The following KLRF1 variants were observed in gnomAD, a reference collection of about 807,000 sequenced individuals.
KLRF1 encodes the protein killer cell lectin-like receptor subfamily F member 1.
In KLRF1, 27 loss-of-function variants were observed where a neutral mutation model predicts 30.7. The observed-to-expected ratio is 0.88, with a 90% confidence interval of 0.65 to 1.21. The LOEUF (loss-of-function observed/expected upper bound fraction) is 1.21, where lower values mean the gene tolerates loss of function less well. Ranked by LOEUF, KLRF1 falls within the 50% of genes most tolerant of loss-of-function variation. The pLI, the probability that KLRF1 is intolerant of heterozygous loss-of-function variation, is 0.00. For synonymous variants in KLRF1, 92 were observed against 89.3 expected, an observed-to-expected ratio of 1.03 and a Z score of -0.17; for missense variants, 246 against 259.3, an observed-to-expected ratio of 0.95 and a Z score of 0.35.
the KLRF1 span, among the ~76,000 whole-genome samples, chr12:9,819,875 G>A: frequency 2.6e-5 from 4 of 152,172 alleles, no homozygotes; most frequent in Admixed American, 1.3e-4. Flanking sequence ...TACAACCACC[G>A]GGTGTTTTCC....
the KLRF1 span, among the ~76,000 whole-genome samples, chr12:9,811,230 C>T: frequency 0.98 from 144,988 of 147,468 alleles, 71,321 homozygotes; most frequent in Middle Eastern, 1. Flanking sequence ...CAGTGATTTG[C>T]AAGCAGGATT....
chr12:9,811,985 C>G, the KLRF1 span, among the ~76,000 whole-genome samples: 135 of 152,270 alleles, frequency 8.9e-4, no homozygotes, highest in African/African-American at 3.2e-3. Context: ...TGAACTATAG[C>G]GTACAAAAAT....
the KLRF1 span, among the ~76,000 whole-genome samples, chr12:9,805,048 G>A: frequency 2.6e-5 from 4 of 151,778 alleles, no homozygotes; most frequent in Admixed American, 2.0e-4. Context: ...TATATCTATA[G>A]TAATAAGAGC....
At chr12:9,812,596 C>T in the KLRF1 span, among the ~76,000 whole-genome samples, 1 of 152,028 alleles carries the variant, frequency 6.6e-6, no homozygotes, top group Non-Finnish European at 1.5e-5. Context: ...AATTAATAAC[C>T]CTGGGATACC....
the KLRF1 span, among the ~76,000 whole-genome samples, chr12:9,807,727 C>A: frequency 6.6e-6 from 1 of 152,054 alleles, no homozygotes; most frequent in Admixed American, 6.6e-5. Context: ...CAAAGTAAGT[C>A]TGCTATCAAT....
At chr12:9,818,481 C>A in the KLRF1 span, among the ~76,000 whole-genome samples, 1 of 152,158 alleles carries the variant, frequency 6.6e-6, no homozygotes, top group Non-Finnish European at 1.5e-5. Context: ...GTGTGAGGAA[C>A]CATGACAATG....
At chr12:9,820,162 C>A in the KLRF1 span, among the ~76,000 whole-genome samples, 1 of 152,174 alleles carries the variant, frequency 6.6e-6, no homozygotes, top group African/African-American at 2.4e-5. Flanking sequence ...TTTGGGCCAG[C>A]AACATGTTGG....
the KLRF1 span, among the ~76,000 whole-genome samples, chr12:9,808,183 A>T: frequency 1.1e-4 from 17 of 152,284 alleles, no homozygotes; most frequent in Admixed American, 5.2e-4. Context: ...AGTTTAATAC[A>T]TTTGACATAT....
chr12:9,815,544 A>G, the KLRF1 span, among the ~76,000 whole-genome samples: 1 of 152,154 alleles, frequency 6.6e-6, no homozygotes, highest in Admixed American at 6.5e-5. Context: ...CTTGCTACGC[A>G]CTCCATCTTT....
At chr12:9,816,323 C>T in the KLRF1 span, among the ~76,000 whole-genome samples, 1 of 152,198 alleles carries the variant, frequency 6.6e-6, no homozygotes, top group Non-Finnish European at 1.5e-5. Context: ...TGTACTAGTA[C>T]AAGGCTACTC....
chr12:9,805,549 C>G, the KLRF1 span, among the ~76,000 whole-genome samples: 6 of 152,000 alleles, frequency 3.9e-5, no homozygotes, highest in Non-Finnish European at 8.8e-5. Flanking sequence ...CAAACCATAG[C>G]AGAATGTTCT....
chr12:9,829,335 C>G (rs1867355672), intron 1 of KLRF1, among the ~76,000 whole-genome samples: 2 of 152,192 alleles, frequency 1.3e-5, no homozygotes, highest in South Asian at 4.1e-4. Context: ...ATTCCTCTCT[C>G]TATAGTGAAG....
the KLRF1 span, among the ~76,000 whole-genome samples, chr12:9,816,892 A>T: frequency 7.3e-5 from 11 of 149,942 alleles, no homozygotes; most frequent in South Asian, 4.2e-4. Flanking sequence ...CCCGGCTAAT[A>T]TTTTTTTTTC....
the KLRF1 span, among the ~76,000 whole-genome samples, chr12:9,815,822 ATTC>A: frequency 6.6e-6 from 1 of 151,866 alleles, no homozygotes; most frequent in Admixed American, 6.6e-5. Context: ...TCCTCTTCTT[ATTC>A]TTCTTCTTTT....
Position 9,844,566 on chromosome 12 carries a change from A to G in KLRF1, c.*40A>G, listed in dbSNP as rs765891180. ...CACAGTGAAATAATCAATGATCACT[A>G]TTTTTGGCCTATTAGTTTCTAATAT... On this transcript the variant is annotated 3_prime_UTR_variant, in exon 6 of 6. Coordinates refer to ENST00000617889, the MANE Select transcript of KLRF1 (RefSeq NM_016523.3). 11 of 1,133,620 alleles carry G rather than the reference A, an allele frequency of 9.7e-6. No homozygotes were observed. In the Admixed American group the frequency reaches 2.1e-4, roughly 21 times the overall value. The allele number at this position is 1,133,620 out of a possible 1,614,324, so 70.2% of individuals were successfully genotyped here. A position where few individuals can be genotyped will look rare whatever the true frequency, so the allele number is the denominator to read the frequency against.
chr12:9,806,263 T>G, the KLRF1 span, among the ~76,000 whole-genome samples: 1 of 152,074 alleles, frequency 6.6e-6, no homozygotes, highest in African/African-American at 2.4e-5. Flanking sequence ...TTTTCTAATT[T>G]TCCTTGTGAT....
At chr12:9,823,888 T>C (rs1004338202), upstream of KLRF1, among the ~76,000 whole-genome samples, 3 of 152,078 alleles carry the variant, frequency 2.0e-5, no homozygotes, top group Non-Finnish European at 4.4e-5. Context: ...TTCGAAGATA[T>C]AGATAAATTC....
rs776944369 is a variant in KLRF1 at position 9,844,511 on chromosome 12, G to C, written c.681G>C (p.Trp227Cys). Residue 227 changes from tryptophan (W) to cysteine (C), a missense_variant, in exon 6 of 6, where the codon TGG (tryptophan) becomes TGC (cysteine). Physicochemically the swap from Trp to Cys is radical, Grantham distance 215. Transcript: ENST00000617889. The part of the protein sequence containing the change: ...FSETCSSVFK[W>C]ICQY ...AAACCTGCAGCAGTGTTTTCAAATGGATTTGTCAGTATTAGAGTTTGACAA... is the reference window on the plus strand; with the variant it reads ...AAACCTGCAGCAGTGTTTTCAAATGCATTTGTCAGTATTAGAGTTTGACAA... 2.6e-5 allele frequency: 41 copies of C among 1,595,222 alleles called. No homozygotes were observed. The highest frequency in any genetic ancestry group is 3.3e-5 in the Non-Finnish European group (38 of 1,164,564).
the KLRF1 span, among the ~76,000 whole-genome samples, chr12:9,801,834 C>T: frequency 8.5e-5 from 13 of 152,064 alleles, no homozygotes; most frequent in African/African-American, 3.1e-4. Flanking sequence ...CTTTGCTGTG[C>T]AGAAGCTCTT....
Sources: allele counts gnomAD v4.1 joint callset (sites outside exome capture counted in the v4.1 genomes callset), GRCh38; gene constraint gnomAD v4.1.1; transcripts MANE v1.5; gene names NCBI Gene and HGNC (gene_info 2026-07-23, HGNC 2026-07-21).